The following CNTNAP5 variants were observed in gnomAD, a reference collection of about 807,000 sequenced individuals.
CNTNAP5 encodes the protein contactin associated protein family member 5.
Under a neutral mutation model 150.2 loss-of-function variants are expected in CNTNAP5, and 72 were observed. The ratio of observed to expected loss-of-function variants is 0.48; its 90% CI spans 0.40 to 0.58. The LOEUF (loss-of-function observed/expected upper bound fraction) is 0.58. Among genes scored for constraint, CNTNAP5 ranks in the 20% least tolerant of loss-of-function variants. The pLI is 0.00. For synonymous variants in CNTNAP5, 672 were observed against 619.8 expected (o/e 1.08, Z -1.25); for missense variants, 1,636 against 1,626.2 (o/e 1.01, Z -0.10).
At chr2:124,455,665 A>G (rs1355139711) in intron 6 of CNTNAP5, among the ~76,000 whole-genome samples, 1 of 152,014 alleles carries the variant, frequency 6.6e-6, no homozygotes, top group Non-Finnish European at 1.5e-5. Flanking sequence ...AAAAATCCTT[A>G]GCTAAACGCT....
chr2:124,328,400 T>C lies in CNTNAP5; in HGVS notation c.381+86007T>C, dbSNP rs187908196. 3.9e-5 allele frequency among the ~76,000 whole-genome samples: 6 copies of C among 152,320 alleles called. No individual in the cohort carries two copies. The East Asian group carries it at 9.6e-4, about 24-fold the overall frequency. Reference sequence around the variant, plus strand: ...GCATGATTTAAAGTATCTTGCTTCTTACTCAGAATTATTTAAGCTCATTCA... The same window carrying C: ...GCATGATTTAAAGTATCTTGCTTCTCACTCAGAATTATTTAAGCTCATTCA... On this transcript the variant is annotated intron_variant, in intron 3 of 23. Coordinates refer to ENST00000682447, the MANE Select transcript of CNTNAP5 (RefSeq NM_001367498.1).
At chr2:124,892,610 G>A (rs1360861011) in intron 21 of CNTNAP5, among the ~76,000 whole-genome samples, 2 of 152,134 alleles carry the variant, frequency 1.3e-5, no homozygotes, top group Non-Finnish European at 2.9e-5. Flanking sequence ...TTCTGCAGGT[G>A]GAGGCTTCTG....
At chr2:124,390,647 T>C (rs573399498) in intron 3 of CNTNAP5, among the ~76,000 whole-genome samples, 1 of 152,234 alleles carries the variant, frequency 6.6e-6, no homozygotes, top group Non-Finnish European at 1.5e-5. Context: ...CATGTCAGTT[T>C]GTACTAACAG....
chr2:124,670,416 GTTGT>G lies in CNTNAP5; in HGVS notation c.2077+22463_2077+22466del, dbSNP rs573449919. On this transcript the variant is annotated intron_variant, in intron 13 of 23. Transcript: ENST00000682447. ...AGCTCCTTTGACCTTGTATAATTGA[GTTGT>G]TTGTCTTTTTGTTGTTGCACTGTAA... Among the ~76,000 whole-genome samples, 91 of 152,114 alleles carry G rather than the reference GTTGT, an allele frequency of 6.0e-4. 1 individual carries two copies. Among genetic ancestry groups the G allele is most frequent in the Admixed American group, 2.6e-3 (39 of 15,272 alleles).
At chr2:124,199,366 G>A (rs1478898113) in intron 1 of CNTNAP5, among the ~76,000 whole-genome samples, 1 of 145,116 alleles carries the variant, frequency 6.9e-6, no homozygotes, top group Non-Finnish European at 1.5e-5. Context: ...TCTTTCCAGA[G>A]TATTTTATAA....
chr2:124,555,301 G>T (rs995700352), intron 10 of CNTNAP5, among the ~76,000 whole-genome samples: 1 of 152,232 alleles, frequency 6.6e-6, no homozygotes, highest in African/African-American at 2.4e-5. Context: ...AAAATTGCAT[G>T]CCTAAGGAAG....
chr2:124,557,442 G>A (rs189087293), intron 10 of CNTNAP5, among the ~76,000 whole-genome samples: 8 of 152,282 alleles, frequency 5.3e-5, no homozygotes, highest in African/African-American at 1.9e-4. Flanking sequence ...CAGCAAGGCT[G>A]TGACAAACTG....
At chr2:124,812,914 C>T (rs898537609) in intron 19 of CNTNAP5, among the ~76,000 whole-genome samples, 2 of 152,150 alleles carry the variant, frequency 1.3e-5, no homozygotes, top group Non-Finnish European at 2.9e-5. Context: ...TAAATCTCTT[C>T]AAATATTTTA....
intron 3 of CNTNAP5, among the ~76,000 whole-genome samples, chr2:124,304,743 G>C (rs1688641068): frequency 6.6e-6 from 1 of 152,120 alleles, no homozygotes; most frequent in South Asian, 2.1e-4. Context: ...ATGGCCAGAG[G>C]CTTCCTAATT....
At chr2:124,813,830 CCA>C (rs1682291729) in intron 19 of CNTNAP5, among the ~76,000 whole-genome samples, 1 of 151,934 alleles carries the variant, frequency 6.6e-6, no homozygotes, top group South Asian at 2.1e-4. Context: ...ATAGCTGCTT[CCA>C]CAGTCTCTTT....
chr2:124,743,321 G>A (rs762068990), intron 13 of CNTNAP5, among the ~76,000 whole-genome samples: 6 of 152,138 alleles, frequency 3.9e-5, no homozygotes, highest in Non-Finnish European at 8.8e-5. Flanking sequence ...TTCTGTATTA[G>A]GGGAAAATGT....
At chr2:124,554,146 G>A (rs574321542) in intron 10 of CNTNAP5, among the ~76,000 whole-genome samples, 3 of 151,586 alleles carry the variant, frequency 2.0e-5, no homozygotes, top group Non-Finnish European at 2.9e-5. Context: ...TATAAATCTA[G>A]CAGGTCTTAG....
chr2:124,439,337 A>T (rs528785958), intron 5 of CNTNAP5, among the ~76,000 whole-genome samples: 141 of 152,314 alleles, frequency 9.3e-4, no homozygotes, highest in African/African-American at 3.2e-3. Flanking sequence ...TAAAAGTTGG[A>T]TTTATCAGTC....
Position 124,670,215 on chromosome 2 carries a change from C to CTCTT in CNTNAP5, c.2077+22279_2077+22282dup, listed in dbSNP as rs140009258. 1.1e-3 allele frequency among the ~76,000 whole-genome samples: 150 copies of CTCTT among 140,740 alleles called. 2 individuals carry two copies. Among genetic ancestry groups the CTCTT allele is most frequent in the East Asian group, 5.3e-3 (24 of 4,522 alleles). The allele number at this position is 140,740 out of a possible 152,430, so 92.3% of individuals were successfully genotyped here. ...TCTTTCTCTCTCTTTCCTTCTTTCCCTCTTTCTTTCTTTCTTTCTTTCTTT... is the reference window on the plus strand; with the variant it reads ...TCTTTCTCTCTCTTTCCTTCTTTCCCTCTTTCTTTCTTTCTTTCTTTCTTTCTTT... On this transcript the variant is annotated intron_variant, in intron 13 of 23. Transcript: ENST00000682447.
intron 13 of CNTNAP5, among the ~76,000 whole-genome samples, chr2:124,720,149 T>C (rs748891065): frequency 2.0e-5 from 3 of 152,168 alleles, no homozygotes; most frequent in Non-Finnish European, 4.4e-5. Context: ...CATCCCAGCA[T>C]CTGAATTCTC....
At chr2:124,872,915 AC>A (rs1365866449) in intron 21 of CNTNAP5, among the ~76,000 whole-genome samples, 1 of 152,146 alleles carries the variant, frequency 6.6e-6, no homozygotes, top group Non-Finnish European at 1.5e-5. Context: ...ACAGCAAGGT[AC>A]TACAGACAAC....
chr2:124,828,735 CAAAAAAAAAAAAAAAAAAA>C (rs60339676), intron 19 of CNTNAP5, among the ~76,000 whole-genome samples: 17 of 23,112 alleles, frequency 7.4e-4, no homozygotes, highest in South Asian at 4.2e-3. Context: ...CAAGTGTTGG[CAAAAAAAAAAAAAAAAAAA>C]AAAAAAAAAA....
intron 19 of CNTNAP5, among the ~76,000 whole-genome samples, chr2:124,825,430 C>G (rs975215486): frequency 2.0e-5 from 3 of 152,248 alleles, no homozygotes; most frequent in Non-Finnish European, 4.4e-5. Context: ...TCAAGAAGGT[C>G]CCTTACAATA....
chr2:124,355,208 A>C (rs1258152460), intron 3 of CNTNAP5, among the ~76,000 whole-genome samples: 2 of 152,180 alleles, frequency 1.3e-5, no homozygotes, highest in Non-Finnish European at 2.9e-5. Context: ...AATGTTCCAC[A>C]GTGTTTATTA....
Sources: gnomAD v4.1 joint callset for allele counts (sites outside exome capture counted in the v4.1 genomes callset) on GRCh38, gnomAD v4.1.1 for gene constraint, MANE v1.5 for transcripts, NCBI Gene and HGNC (gene_info 2026-07-23, HGNC 2026-07-21) for gene names.